Variants in MAST4 observed in about 807,000 individuals in gnomAD.
MAST4 encodes microtubule associated serine/threonine kinase family member 4, also known as microtubule-associated serine/threonine-protein kinase 4.
In MAST4, 89 loss-of-function variants were observed where a neutral mutation model predicts 162.7. The observed-to-expected ratio is 0.55, with a 90% confidence interval of 0.46 to 0.65. The LOEUF (loss-of-function observed/expected upper bound fraction) is 0.65, where lower values mean the gene tolerates loss of function less well. Among genes scored for constraint, MAST4 ranks in the 30% least tolerant of loss-of-function variants. The probability of loss-of-function intolerance (pLI) is 0.00; values close to 1 mark genes in which losing one functional copy is unlikely to be tolerated. For synonymous variants in MAST4, 1,479 were observed against 1,361.1 expected (o/e 1.09, Z -1.91); for missense variants, 3,153 against 3,374.0 (o/e 0.93, Z 1.62).
intron 3 of MAST4, among the ~76,000 whole-genome samples, chr5:66,844,012 A>G (rs79087859): frequency 0.058 from 8,867 of 151,998 alleles, 423 homozygotes; most frequent in South Asian, 0.13. Flanking sequence ...CTGCCTCCTC[A>G]TGCAAGGAGG....
rs558937319 is a variant in MAST4 at position 66,812,951 on chromosome 5, T to C, written c.642+24157T>C. ...TGATAAGAAGCAGCATCACTGGGGC[T>C]CAGTTTGCGCATCATTAAAATGGAG... On this transcript the variant is annotated intron_variant, in intron 3 of 28. Transcript: ENST00000403625. 2.0e-5 allele frequency among the ~76,000 whole-genome samples: 3 copies of C among 152,302 alleles called. No homozygotes were observed. In the South Asian group the frequency reaches 6.2e-4, roughly 32 times the overall value.
At chr5:67,137,529 T>C (rs1769819728) in intron 19 of MAST4, among the ~76,000 whole-genome samples, 1 of 152,240 alleles carries the variant, frequency 6.6e-6, no homozygotes, top group South Asian at 2.1e-4. Context: ...CAGAAAATAC[T>C]GAAGAAATCA....
chr5:67,078,938 AT>A (rs1236081733), intron 5 of MAST4, among the ~76,000 whole-genome samples: 2 of 94,434 alleles, frequency 2.1e-5, no homozygotes, highest in African/African-American at 1.0e-4. Context: ...ATATATATAT[AT>A]ATATATATAT....
intron 3 of MAST4, among the ~76,000 whole-genome samples, chr5:66,885,644 C>T (rs1009396804): frequency 6.6e-6 from 1 of 152,092 alleles, no homozygotes; most frequent in Non-Finnish European, 1.5e-5. Context: ...TCCATTTTGG[C>T]TTAGTTTTAA....
intron 3 of MAST4, among the ~76,000 whole-genome samples, chr5:66,871,636 A>G (rs1206417116): frequency 6.6e-6 from 1 of 152,234 alleles, no homozygotes; most frequent in Non-Finnish European, 1.5e-5. Flanking sequence ...GCATTCATGA[A>G]GCCTGTCCTG....
rs79996317 is a variant in MAST4 at position 66,745,617 on chromosome 5, G to C, written c.364-14092G>C. ...CAATTGAAGGCATTAAGCAATACCA[G>C]CATTGCCCAGCTAACAAGGTAAGGA... is the stretch of plus-strand genomic sequence containing the variant. On this transcript the variant is annotated intron_variant, in intron 1 of 28. Coordinates refer to ENST00000403625, the MANE Select transcript of MAST4 (RefSeq NM_001164664.2). 5.6e-3 allele frequency among the ~76,000 whole-genome samples: 850 copies of C among 152,290 alleles called. 10 individuals carry two copies. The highest frequency in any genetic ancestry group is 0.019 in the African/African-American group (781 of 41,548).
At position 66,759,831 on chromosome 5, in the gene MAST4, A is replaced by C. The variant is rs1281144746; in HGVS notation, c.486A>C (p.Leu162=). The C allele has an allele frequency of 4.3e-6, 7 of 1,613,802 alleles. No individual in the cohort carries two copies. The highest frequency in any genetic ancestry group is 5.9e-6 in the Non-Finnish European group (7 of 1,179,876). The change falls in exon 2 of 29, where the codon CTA becomes CTC. Residue 162 remains leucine (L), a synonymous_variant. Transcript: ENST00000403625. ...AGCTGAGTGAGGATGGAAGACAGCT[A>C]AGGCGAGGGAGCCTGGGAGGAGCCC... ...KRQLSEDGRQ[L]RRGSLGGALT... is the part of the protein sequence containing the mutation.
intron 4 of MAST4, among the ~76,000 whole-genome samples, chr5:67,029,278 CAA>C (rs1261516536): frequency 1.3e-5 from 2 of 152,210 alleles, no homozygotes; most frequent in Non-Finnish European, 2.9e-5. Context: ...TCTGCATTCC[CAA>C]GAGAAATGGA....
intron 12 of MAST4, among the ~76,000 whole-genome samples, chr5:67,116,795 G>A (rs966766625): frequency 6.6e-6 from 1 of 152,058 alleles, no homozygotes; most frequent in Non-Finnish European, 1.5e-5. Context: ...CAGTCTGAGC[G>A]ACAGAACAAG....
intron 4 of MAST4, among the ~76,000 whole-genome samples, chr5:66,945,420 C>A (rs1015599872): frequency 4.6e-5 from 7 of 152,134 alleles, no homozygotes; most frequent in Admixed American, 6.6e-5. Flanking sequence ...CCTCAGTTGG[C>A]TCCACAAAAT....
At chr5:66,669,784 G>A (rs921007813) in intron 1 of MAST4, among the ~76,000 whole-genome samples, 1 of 152,230 alleles carries the variant, frequency 6.6e-6, no homozygotes, top group Non-Finnish European at 1.5e-5. Flanking sequence ...TACAGTGAGG[G>A]TGGGGGTGTG....
chr5:66,862,334 A>C (rs928222488), intron 3 of MAST4, among the ~76,000 whole-genome samples: 4 of 152,180 alleles, frequency 2.6e-5, no homozygotes, highest in African/African-American at 9.7e-5. Context: ...AATGTGTGCC[A>C]TGTGATATCA....
chr5:67,126,146 C>T (rs569750877), intron 14 of MAST4, among the ~76,000 whole-genome samples: 62 of 151,970 alleles, frequency 4.1e-4, no homozygotes, highest in Non-Finnish European at 6.3e-4. Context: ...GGATATTAGC[C>T]CTTTATCAGA....
At chr5:67,140,549 A>G (rs1287192755) in intron 19 of MAST4, among the ~76,000 whole-genome samples, 2 of 152,190 alleles carry the variant, frequency 1.3e-5, no homozygotes, top group African/African-American at 4.8e-5. Context: ...AAATTAAAGC[A>G]TGCCTCTGCC....
chr5:66,596,481 T>C lies in MAST4; in HGVS notation c.-175T>C. ...GGCCGGGCCCGGGCGGCTGTGAACT[T>C]AGCAGCGGGCTCCTGCGGCCCCGTC... On this transcript the variant is annotated 5_prime_UTR_variant, in exon 1 of 29. Transcript: ENST00000403625. 6.5e-6 allele frequency: 5 copies of C among 773,190 alleles called. No homozygotes were observed. The highest frequency in any genetic ancestry group is 8.8e-6 in the Non-Finnish European group (5 of 564,982). The allele number at this position is 773,190 out of a possible 1,614,324, so 47.9% of individuals were successfully genotyped here.
rs535002571 is a variant in MAST4 at position 66,679,263 on chromosome 5, G to A, written c.364-80446G>A. On this transcript the variant is annotated intron_variant, in intron 1 of 28. Transcript: ENST00000403625. ...TAAGGGCAGGGATTAAAGCCCTAGT[G>A]GGGGTTGACAAGGAAAGCAACAAAT... is the stretch of plus-strand genomic sequence containing the variant. Among the ~76,000 whole-genome samples the A allele has an allele frequency of 5.9e-5, 9 of 152,304 alleles. No homozygotes were observed. In the South Asian group the frequency reaches 8.3e-4, roughly 14 times the overall value.
intron 1 of MAST4, among the ~76,000 whole-genome samples, chr5:66,718,273 G>A (rs1321886583): frequency 7.3e-6 from 1 of 137,396 alleles, no homozygotes; most frequent in Non-Finnish European, 1.6e-5. Flanking sequence ...TTGTTTTTTT[G>A]TTTTCAAAGC....
chr5:66,971,563 A>G (rs1345686858), intron 4 of MAST4, among the ~76,000 whole-genome samples: 1 of 152,218 alleles, frequency 6.6e-6, no homozygotes, highest in Non-Finnish European at 1.5e-5. Context: ...TTTGGGCCTC[A>G]CAGCTCAAGA....
At chr5:67,088,502 G>A (rs181124977) in intron 5 of MAST4, among the ~76,000 whole-genome samples, 30 of 152,234 alleles carry the variant, frequency 2.0e-4, no homozygotes, top group African/African-American at 7.0e-4. Flanking sequence ...AAAATTTTTA[G>A]CCATCTTGAA....
Sources: allele counts gnomAD v4.1 joint callset (sites outside exome capture counted in the v4.1 genomes callset), GRCh38; gene constraint gnomAD v4.1.1; transcripts MANE v1.5; gene names NCBI Gene and HGNC (gene_info 2026-07-23, HGNC 2026-07-21).